SGIP1: variants seen among roughly 807,000 people sequenced by gnomAD.
The protein encoded by SGIP1 is SH3-containing GRB2-like protein 3-interacting protein 1.
In SGIP1, 38 loss-of-function variants were observed where a neutral mutation model predicts 107.5. The ratio of observed to expected loss-of-function variants is 0.35; its 90% CI spans 0.27 to 0.46. SGIP1 has a LOEUF of 0.46. Ranked by LOEUF, SGIP1 falls within the 20% of genes least tolerant of loss-of-function variation. SGIP1 has a pLI of 1.00. For missense variants in SGIP1, 929 were observed against 1,019.5 expected (o/e 0.91, Z 1.21); for synonymous variants, 365 against 366.1 (o/e 1.00, Z 0.03).
At position 66,743,830 on chromosome 1, in the gene SGIP1, A is replaced by G. The variant is rs1557838542; in HGVS notation, c.*735A>G. ...CTTGTGTAAAAAGGGAAAGCAATTC[A>G]TATTTAAAGTTTAAGTATATTAAAT... On this transcript the variant is annotated 3_prime_UTR_variant, in exon 25 of 25. Coordinates refer to ENST00000371037, the MANE Select transcript of SGIP1 (RefSeq NM_032291.4). The G allele has an allele frequency of 6.6e-6, 1 of 152,602 alleles. No homozygotes were observed. Among genetic ancestry groups the G allele is most frequent in the Non-Finnish European group, 1.5e-5 (1 of 68,006 alleles). 9.5% of individuals were successfully genotyped at this position (152,602 alleles called of 1,614,324 possible). A position where few individuals can be genotyped will look rare whatever the true frequency, so the allele number is the denominator to read the frequency against.
intron 1 of SGIP1, among the ~76,000 whole-genome samples, chr1:66,583,690 C>G (rs572942203): frequency 5.3e-5 from 8 of 152,084 alleles, no homozygotes; most frequent in Non-Finnish European, 8.8e-5. Context: ...CTCCTACATC[C>G]GAATTAGTAG....
chr1:66,644,781 C>A (rs910319458), intron 7 of SGIP1, among the ~76,000 whole-genome samples: 1 of 152,114 alleles, frequency 6.6e-6, no homozygotes, highest in African/African-American at 2.4e-5. Context: ...CTGTTGGTAA[C>A]AACCAAAATG....
Position 66,671,895 on chromosome 1 carries a change from A to T in SGIP1, c.509-49A>T, listed in dbSNP as rs768728469. 3.9e-6 allele frequency: 6 copies of T among 1,548,992 alleles called. 1 individual carries two copies. In the South Asian group the frequency reaches 6.7e-5, roughly 17 times the overall value. On this transcript the variant is annotated intron_variant, in intron 10 of 24. Coordinates refer to ENST00000371037, the MANE Select transcript of SGIP1 (RefSeq NM_032291.4). ...CCAAACATAGGTTATAAGACATATC[A>T]GGGAATGGTAAAAATTTGTCTAAAA... is the stretch of plus-strand genomic sequence containing the variant.
intron 1 of SGIP1, among the ~76,000 whole-genome samples, chr1:66,566,639 A>G (rs1431419709): frequency 6.6e-6 from 1 of 152,030 alleles, no homozygotes; most frequent in African/African-American, 2.4e-5. Flanking sequence ...ATGAAAATAT[A>G]GTATAAAACA....
At chr1:66,637,704 A>T (rs1188950364) in intron 4 of SGIP1, among the ~76,000 whole-genome samples, 2 of 151,476 alleles carry the variant, frequency 1.3e-5, no homozygotes, top group Non-Finnish European at 2.9e-5. Context: ...TATTAGATAT[A>T]TGTTGTCAGG....
At chr1:66,713,455 T>C (rs2093042301) in intron 18 of SGIP1, among the ~76,000 whole-genome samples, 1 of 152,054 alleles carries the variant, frequency 6.6e-6, no homozygotes, top group Admixed American at 6.6e-5. Context: ...ACAAAGAACA[T>C]AAAGCCATAT....
At chr1:66,693,283 T>TAAATAAATAAATAAAA (rs1466957413) in intron 17 of SGIP1, among the ~76,000 whole-genome samples, 2 of 151,084 alleles carry the variant, frequency 1.3e-5, no homozygotes, top group African/African-American at 2.4e-5. Flanking sequence ...AATAAATAAA[T>TAAATAAATAAATAAAA]AAAAAACAGT....
At chr1:66,536,368 C>A (rs1239969145) in intron 1 of SGIP1, among the ~76,000 whole-genome samples, 5 of 152,170 alleles carry the variant, frequency 3.3e-5, no homozygotes, top group Non-Finnish European at 4.4e-5. Context: ...ACCCATAGCT[C>A]CTACTTAAAT....
At position 66,682,245 on chromosome 1, in the gene SGIP1, C is replaced by T. The variant is rs747364420; in HGVS notation, c.1191C>T (p.Ile397=). Residue 397 remains isoleucine (I), a synonymous_variant, in exon 15 of 25, where the codon ATC becomes ATT. Transcript: ENST00000371037. Reference sequence around the variant, plus strand: ...TTAAAGATGATTACTTAGAAACAATCTCATCTCCTAAAGATTTTGGGTTGG... The same window carrying T: ...TTAAAGATGATTACTTAGAAACAATTTCATCTCCTAAAGATTTTGGGTTGG... The part of the protein sequence containing the change: ...TFIKDDYLET[I]SSPKDFGLGQ... The T allele has an allele frequency of 6.8e-5, 109 of 1,614,124 alleles. No individual in the cohort carries two copies. Among genetic ancestry groups the T allele is most frequent in the Non-Finnish European group, 8.6e-5 (101 of 1,180,050 alleles).
chr1:66,548,897 T>G (rs1037683273), intron 1 of SGIP1, among the ~76,000 whole-genome samples: 2 of 152,210 alleles, frequency 1.3e-5, no homozygotes, highest in African/African-American at 4.8e-5. Flanking sequence ...TGCCCTAAAT[T>G]GCATTTTTAC....
At chr1:66,666,272 AGAT>A (rs373162951) in intron 8 of SGIP1, 2,345 of 155,950 alleles carry the variant, frequency 0.015, 24 homozygotes, top group Non-Finnish European at 0.022. Context: ...GTCAAAGATC[AGAT>A]GGTTGTAGAT....
intron 12 of SGIP1, among the ~76,000 whole-genome samples, chr1:66,673,750 G>A (rs1325996858): frequency 6.6e-6 from 1 of 152,074 alleles, no homozygotes; most frequent in East Asian, 1.9e-4. Context: ...CGCTGTCGTT[G>A]GGGTGTGGCC....
chr1:66,689,596 G>C (rs2089348386), intron 16 of SGIP1, among the ~76,000 whole-genome samples: 2 of 152,234 alleles, frequency 1.3e-5, no homozygotes, highest in African/African-American at 2.4e-5. Flanking sequence ...AAAACTCCAA[G>C]AGAGGGCAAA....
At chr1:66,571,278 G>GA (rs2060340729) in intron 1 of SGIP1, among the ~76,000 whole-genome samples, 1 of 151,958 alleles carries the variant, frequency 6.6e-6, no homozygotes. Context: ...TTAACAAGGT[G>GA]GAGGGAAGAG....
intron 18 of SGIP1, among the ~76,000 whole-genome samples, chr1:66,699,531 C>T (rs2091548265): frequency 6.6e-6 from 1 of 152,182 alleles, no homozygotes; most frequent in Non-Finnish European, 1.5e-5. Context: ...CTCCACTTTA[C>T]TCGGTACTCC....
intron 1 of SGIP1, among the ~76,000 whole-genome samples, chr1:66,544,943 T>A: frequency 6.6e-6 from 1 of 152,162 alleles, no homozygotes. Context: ...GTCTACCAGG[T>A]AGCCAAGCTA....
intron 1 of SGIP1, among the ~76,000 whole-genome samples, chr1:66,534,740 T>C (rs2053178620): frequency 1.3e-5 from 2 of 152,220 alleles, no homozygotes; most frequent in Admixed American, 6.5e-5. Flanking sequence ...GGAAACTTGT[T>C]TTCTGAAATT....
At chr1:66,706,169 T>G (rs1389002085) in intron 18 of SGIP1, among the ~76,000 whole-genome samples, 1 of 151,626 alleles carries the variant, frequency 6.6e-6, no homozygotes, top group Non-Finnish European at 1.5e-5. Context: ...TTACTGTTTT[T>G]GGTAAAATCT....
intron 1 of SGIP1, among the ~76,000 whole-genome samples, chr1:66,561,647 C>T (rs1273067232): frequency 2.6e-5 from 4 of 151,972 alleles, no homozygotes; most frequent in Admixed American, 2.6e-4. Flanking sequence ...AAACATGGTG[C>T]TTCTGGTAGG....
Sources: allele counts gnomAD v4.1 joint callset (sites outside exome capture counted in the v4.1 genomes callset), GRCh38; gene constraint gnomAD v4.1.1; transcripts MANE v1.5; gene names NCBI Gene and HGNC (gene_info 2026-07-23, HGNC 2026-07-21).